LRP1B: variants seen among roughly 807,000 people sequenced by gnomAD.
The protein encoded by LRP1B is LDL receptor related protein 1B.
In LRP1B, 217 loss-of-function variants were observed where a neutral mutation model predicts 556.6. The observed-to-expected ratio is 0.39, with a 90% CI of 0.35 to 0.44. The LOEUF (loss-of-function observed/expected upper bound fraction) is 0.44, where lower values mean the gene tolerates loss of function less well. Ranked by LOEUF, LRP1B falls within the 20% of genes least tolerant of loss-of-function variation. LRP1B has a pLI of 1.00. For synonymous variants in LRP1B, 2,047 were observed against 1,865.8 expected, an observed-to-expected ratio of 1.10 and a Z score of -2.50; for missense variants, 5,053 against 5,620.8, an observed-to-expected ratio of 0.90 and a Z score of 3.23.
At chr2:141,951,206 A>G (rs552356266) in intron 1 of LRP1B, among the ~76,000 whole-genome samples, 179 of 151,866 alleles carry the variant, frequency 1.2e-3, no homozygotes, top group African/African-American at 4.0e-3. Context: ...TTTTATTTCA[A>G]TAGTTTTGGG....
At chr2:141,701,289 A>G (rs1691930555) in intron 2 of LRP1B, among the ~76,000 whole-genome samples, 1 of 151,824 alleles carries the variant, frequency 6.6e-6, no homozygotes, top group Non-Finnish European at 1.5e-5. Context: ...TTAGCTGCTC[A>G]CTGATCCCTG....
chr2:141,977,224 C>T (rs1411867758), intron 1 of LRP1B, among the ~76,000 whole-genome samples: 1 of 152,040 alleles, frequency 6.6e-6, no homozygotes, highest in Non-Finnish European at 1.5e-5. Flanking sequence ...ATCCAGTAAG[C>T]TTTGATATTC....
intron 43 of LRP1B, among the ~76,000 whole-genome samples, chr2:140,554,250 CTG>C (rs534481177): frequency 5.8e-4 from 88 of 152,066 alleles, no homozygotes; most frequent in African/African-American, 2.0e-3. Flanking sequence ...TAAATATAAA[CTG>C]TGAGATTATG....
chr2:140,698,623 G>A (rs1014262084), intron 41 of LRP1B, among the ~76,000 whole-genome samples: 9 of 151,922 alleles, frequency 5.9e-5, no homozygotes, highest in African/African-American at 2.2e-4. Flanking sequence ...CCAGCCTCCC[G>A]AAGTTGTGTA....
intron 27 of LRP1B, among the ~76,000 whole-genome samples, chr2:140,859,763 G>A (rs180693436): frequency 6.6e-6 from 1 of 152,188 alleles, no homozygotes; most frequent in East Asian, 1.9e-4. Context: ...GGGAGGCCGA[G>A]GTGGGCGGAT....
intron 77 of LRP1B, among the ~76,000 whole-genome samples, chr2:140,338,139 A>G (rs1271282555): frequency 6.6e-6 from 1 of 151,824 alleles, no homozygotes; most frequent in Non-Finnish European, 1.5e-5. Flanking sequence ...TAATATATAC[A>G]TTTATTCTCC....
intron 33 of LRP1B, among the ~76,000 whole-genome samples, chr2:140,774,933 G>GT (rs945380552): frequency 6.6e-6 from 1 of 152,058 alleles, no homozygotes; most frequent in African/African-American, 2.4e-5. Context: ...TCAGGTATAT[G>GT]TATGTATATA....
At chr2:140,939,293 G>GA (rs1224987337) in intron 20 of LRP1B, among the ~76,000 whole-genome samples, 4 of 151,622 alleles carry the variant, frequency 2.6e-5, no homozygotes, top group Admixed American at 6.6e-5. Flanking sequence ...AATTAGTGAG[G>GA]AAAATGAATG....
intron 32 of LRP1B, among the ~76,000 whole-genome samples, chr2:140,777,919 A>G (rs1172606137): frequency 1.3e-5 from 2 of 151,904 alleles, no homozygotes; most frequent in African/African-American, 4.8e-5. Flanking sequence ...AATGGTAGGA[A>G]AAAAGTAAAA....
At chr2:141,729,320 T>C (rs1310077439) in intron 2 of LRP1B, among the ~76,000 whole-genome samples, 1 of 152,108 alleles carries the variant, frequency 6.6e-6, no homozygotes, top group Non-Finnish European at 1.5e-5. Flanking sequence ...TTTTTTAGTC[T>C]TTGGACGTTA....
intron 54 of LRP1B, among the ~76,000 whole-genome samples, chr2:140,502,474 T>A (rs1448909423): frequency 6.6e-6 from 1 of 151,946 alleles, no homozygotes. Context: ...ATTATTTGAG[T>A]ATATTCTGTA....
intron 57 of LRP1B, 28 bp downstream of exon 57, chr2:140,492,580 T>C (rs774807845): frequency 6.6e-7 from 1 of 1,519,694 alleles, no homozygotes; most frequent in South Asian, 1.1e-5. Flanking sequence ...ATGTTAAATG[T>C]TACGGTGTCA....
intron 16 of LRP1B, among the ~76,000 whole-genome samples, chr2:140,991,493 G>T (rs1436338507): frequency 6.6e-6 from 1 of 152,118 alleles, no homozygotes; most frequent in Non-Finnish European, 1.5e-5. Flanking sequence ...AAGGTGGTCA[G>T]AGGTGTGTAA....
intron 2 of LRP1B, among the ~76,000 whole-genome samples, chr2:141,512,299 G>T (rs148090845): frequency 7.9e-5 from 12 of 152,234 alleles, no homozygotes; most frequent in African/African-American, 2.9e-4. Flanking sequence ...GATTGCCTTA[G>T]GTGTGTTCTC....
intron 2 of LRP1B, among the ~76,000 whole-genome samples, chr2:141,529,304 G>A (rs79661126): frequency 0.013 from 1,964 of 152,280 alleles, 43 homozygotes; most frequent in African/African-American, 0.045. Flanking sequence ...GTTAGCTGAC[G>A]TGTATATTTC....
At chr2:141,353,068 C>T (rs557779855) in intron 3 of LRP1B, among the ~76,000 whole-genome samples, 2 of 152,022 alleles carry the variant, frequency 1.3e-5, no homozygotes, top group South Asian at 4.1e-4. Flanking sequence ...TTTTTAAAGT[C>T]AAACTGTGAG....
At chr2:141,963,827 T>G (rs1006385581) in intron 1 of LRP1B, among the ~76,000 whole-genome samples, 90 of 146,030 alleles carry the variant, frequency 6.2e-4, no homozygotes, top group African/African-American at 2.3e-3. Context: ...GACGACATGA[T>G]TGTTTATCTA....
chr2:140,667,595 CTTTG>C (rs1559042992), intron 41 of LRP1B, among the ~76,000 whole-genome samples: 1 of 152,168 alleles, frequency 6.6e-6, no homozygotes, highest in Non-Finnish European at 1.5e-5. Flanking sequence ...ACTCCATGAC[CTTTG>C]TTTGAATATC....
At chr2:141,496,334 C>T (rs4599051) in intron 2 of LRP1B, among the ~76,000 whole-genome samples, 84,468 of 151,584 alleles carry the variant, frequency 0.56, 23,928 homozygotes, top group African/African-American at 0.65. Flanking sequence ...CTTAAAGTGC[C>T]GATTATGATT....
Sources: allele counts gnomAD v4.1 joint callset (sites outside exome capture counted in the v4.1 genomes callset), GRCh38; gene constraint gnomAD v4.1.1; transcripts MANE v1.5; gene names NCBI Gene and HGNC (gene_info 2026-07-23, HGNC 2026-07-21).